RBFOX1: variants seen among roughly 807,000 people sequenced by gnomAD.
The protein encoded by RBFOX1 is RNA binding protein fox-1 homolog 1.
In RBFOX1, 8 loss-of-function variants were observed where a neutral mutation model predicts 57.7. That is an observed-to-expected ratio of 0.14 (90% confidence interval 0.08 to 0.25). The LOEUF (loss-of-function observed/expected upper bound fraction) is 0.25, where lower values mean the gene tolerates loss of function less well. Ranked by LOEUF, RBFOX1 falls within the 10% of genes least tolerant of loss-of-function variation. RBFOX1 has a pLI of 1.00. For missense variants in RBFOX1, 611 were observed against 548.5 expected, an observed-to-expected ratio of 1.11 and a Z score of -1.14; for synonymous variants, 326 against 222.4, an observed-to-expected ratio of 1.47 and a Z score of -4.15.
At chr16:6,159,978 G>GACTT (rs2096866251) in intron 1 of RBFOX1, among the ~76,000 whole-genome samples, 1 of 152,138 alleles carries the variant, frequency 6.6e-6, no homozygotes, top group Non-Finnish European at 1.5e-5. Context: ...GGGAACCTGA[G>GACTT]ACTTACTTAA....
At chr16:6,873,710 TATC>T (rs1275696817) in intron 3 of RBFOX1, among the ~76,000 whole-genome samples, 1 of 152,210 alleles carries the variant, frequency 6.6e-6, no homozygotes, top group Non-Finnish European at 1.5e-5. Flanking sequence ...TCACTGTCAC[TATC>T]ATCCTCTCAT....
At chr16:6,839,255 G>GA (rs1219835157) in intron 3 of RBFOX1, among the ~76,000 whole-genome samples, 7 of 152,096 alleles carry the variant, frequency 4.6e-5, no homozygotes, top group African/African-American at 1.7e-4. Flanking sequence ...AAAGTGCTGG[G>GA]ATTACAGGCA....
intron 2 of RBFOX1, among the ~76,000 whole-genome samples, chr16:5,494,245 T>C (rs1338641444): frequency 6.6e-6 from 1 of 152,224 alleles, no homozygotes; most frequent in Admixed American, 6.5e-5. Context: ...TCCAGAAACC[T>C]TGTTCCCAAA....
chr16:6,288,872 C>G (rs946633973), intron 1 of RBFOX1, among the ~76,000 whole-genome samples: 2 of 152,026 alleles, frequency 1.3e-5, no homozygotes, highest in African/African-American at 4.8e-5. Context: ...GATCTAAGGT[C>G]TAGTGGAACC....
intron 4 of RBFOX1, among the ~76,000 whole-genome samples, chr16:7,197,822 G>A (rs1343047327): frequency 1.3e-5 from 2 of 151,968 alleles, no homozygotes; most frequent in Non-Finnish European, 1.5e-5. Flanking sequence ...AGACACAAAA[G>A]GTCACATGTT....
chr16:7,423,435 G>C (rs190776755), intron 4 of RBFOX1, among the ~76,000 whole-genome samples: 325 of 152,252 alleles, frequency 2.1e-3, no homozygotes, highest in African/African-American at 7.1e-3. Context: ...TGGGGTGCAA[G>C]AGTTACTTCT....
intron 1 of RBFOX1, among the ~76,000 whole-genome samples, chr16:5,380,868 A>G (rs1381844032): frequency 6.6e-6 from 1 of 152,250 alleles, no homozygotes; most frequent in Non-Finnish European, 1.5e-5. Context: ...GTACTCATGC[A>G]TGACTTGTAT....
chr16:7,695,932 G>A (rs2078672177), intron 14 of RBFOX1, among the ~76,000 whole-genome samples: 1 of 152,168 alleles, frequency 6.6e-6, no homozygotes, highest in South Asian at 2.1e-4. Context: ...CATGGTGGAT[G>A]GGCTAAGCAT....
intron 3 of RBFOX1, among the ~76,000 whole-genome samples, chr16:6,965,315 TTGTGTGTGTG>T (rs57603257): frequency 0.03 from 4,474 of 147,500 alleles, 70 homozygotes; most frequent in Middle Eastern, 0.049. Flanking sequence ...TTTTCTTTTG[TTGTGTGTGTG>T]TGTGTGTGTG....
intron 4 of RBFOX1, among the ~76,000 whole-genome samples, chr16:7,284,796 T>C (rs1246703819): frequency 2.0e-5 from 3 of 152,226 alleles, no homozygotes; most frequent in Non-Finnish European, 4.4e-5. Flanking sequence ...CTGCACAAGT[T>C]CAGGGCAGTC....
chr16:5,390,323 G>C (rs2066371804), intron 1 of RBFOX1, among the ~76,000 whole-genome samples: 1 of 140,616 alleles, frequency 7.1e-6, no homozygotes, highest in Non-Finnish European at 1.5e-5. Flanking sequence ...CAGTGTTGCT[G>C]TGTCACCCAG....
At chr16:6,879,419 A>C (rs2062470077) in intron 3 of RBFOX1, among the ~76,000 whole-genome samples, 1 of 152,158 alleles carries the variant, frequency 6.6e-6, no homozygotes, top group South Asian at 2.1e-4. Flanking sequence ...TAATTATTAG[A>C]ATTTTCCCTT....
chr16:6,019,540 G>C lies in RBFOX1; in HGVS notation c.-579G>C. The C allele has an allele frequency of 9.1e-7, 1 of 1,094,786 alleles. No homozygotes were observed. 67.8% of individuals were successfully genotyped at this position (1,094,786 alleles called of 1,614,324 possible). Reference sequence around the variant, plus strand: ...GGCGGGGGCGCTCTGCCAGCCCCGGGAACAGCAGAGGCGGCGGCACTGGCT... The same window carrying C: ...GGCGGGGGCGCTCTGCCAGCCCCGGCAACAGCAGAGGCGGCGGCACTGGCT... On this transcript the variant is annotated 5_prime_UTR_variant, in exon 1 of 16. Transcript: ENST00000550418. This position sits in a 1 kb window ranked among gnomAD's most constrained non-coding sequence, Gnocchi z 4.2.
chr16:7,572,825 T>G (rs2092927455), intron 5 of RBFOX1, among the ~76,000 whole-genome samples: 1 of 89,358 alleles, frequency 1.1e-5, no homozygotes, highest in African/African-American at 3.6e-5. Flanking sequence ...GGCAACAGAG[T>G]GAGAGTCTCT....
rs376590283 is a variant in RBFOX1 at position 6,799,615 on chromosome 16, G to T, written c.-16+144965G>T. Among the ~76,000 whole-genome samples the T allele has an allele frequency of 4.3e-4, 66 of 152,232 alleles. 2 individuals are homozygous for T. The South Asian group carries it at 0.012, about 29-fold the overall frequency. Reference sequence around the variant, plus strand: ...GGAGAGAAAGACCCACCCTCAATCTGTGTTGGCACCATCCAATCAGCTGCC... The same window carrying T: ...GGAGAGAAAGACCCACCCTCAATCTTTGTTGGCACCATCCAATCAGCTGCC... On this transcript the variant is annotated intron_variant, in intron 3 of 15. Coordinates refer to ENST00000550418, the MANE Select transcript of RBFOX1 (RefSeq NM_018723.4).
intron 2 of RBFOX1, among the ~76,000 whole-genome samples, chr16:6,546,922 C>A (rs1195441593): frequency 6.6e-6 from 1 of 152,104 alleles, no homozygotes; most frequent in Non-Finnish European, 1.5e-5. Context: ...GTTTTCAAAC[C>A]CTTAAATCAA....
chr16:5,558,936 G>A (rs929453017), intron 2 of RBFOX1, among the ~76,000 whole-genome samples: 5 of 152,120 alleles, frequency 3.3e-5, no homozygotes, highest in African/African-American at 1.2e-4. Context: ...GAATCCACAA[G>A]CCTTGAGCTA....
intron 3 of RBFOX1, among the ~76,000 whole-genome samples, chr16:6,780,286 C>CAT (rs543648388): frequency 2.0e-5 from 1 of 49,234 alleles, no homozygotes; most frequent in Non-Finnish European, 3.2e-5. Flanking sequence ...TATATTTATA[C>CAT]ATATATATAT....
intron 14 of RBFOX1, among the ~76,000 whole-genome samples, chr16:7,706,297 G>A (rs2881629): frequency 0.42 from 63,208 of 152,066 alleles, 13,518 homozygotes; most frequent in African/African-American, 0.44. Context: ...ATTGGATTCT[G>A]AAGGTAGAGG....
Sources: allele counts gnomAD v4.1 joint callset (sites outside exome capture counted in the v4.1 genomes callset), GRCh38; gene constraint gnomAD v4.1.1; non-coding constraint Gnocchi (gnomAD v3.1); transcripts MANE v1.5; gene names NCBI Gene and HGNC (gene_info 2026-07-23, HGNC 2026-07-21).